NIPA1: variants seen among roughly 807,000 people sequenced by gnomAD.
NIPA1 encodes the protein NIPA magnesium transporter 1.
A neutral mutation model predicts 23.9 loss-of-function variants in NIPA1; 13 were observed. The ratio of observed to expected loss-of-function variants is 0.54; its 90% CI spans 0.35 to 0.87. The LOEUF (loss-of-function observed/expected upper bound fraction) is 0.87, where lower values mean the gene tolerates loss of function less well. Among genes scored for constraint, NIPA1 ranks in the 40% least tolerant of loss-of-function variants. The probability of loss-of-function intolerance (pLI) is 0.01; values close to 1 mark genes in which losing one functional copy is unlikely to be tolerated. For missense variants in NIPA1, 362 were observed against 429.7 expected (o/e 0.84, Z 1.39); for synonymous variants, 234 against 202.9 (o/e 1.15, Z -1.30).
chr15:22,823,559 C>G (rs985571550), intron 4 of NIPA1, among the ~76,000 whole-genome samples, 169 bp from the exon 5 acceptor site: 1 of 152,208 alleles, frequency 6.6e-6, no homozygotes, highest in Admixed American at 6.5e-5. Flanking sequence ...GGAATGAAAT[C>G]AGTGGGTCTG....
At chr15:22,787,514 C>T (rs1294653229) in intron 1 of NIPA1, among the ~76,000 whole-genome samples, 1 of 152,166 alleles carries the variant, frequency 6.6e-6, no homozygotes, top group East Asian at 1.9e-4. Context: ...AAGCCCTGGA[C>T]GGGCCAAGGC....
chr15:22,786,682 C>T lies in NIPA1; in HGVS notation c.26C>T (p.Ala9Val), dbSNP rs1472602255. 3.9e-6 allele frequency: 4 copies of T among 1,032,646 alleles called. No individual in the cohort carries two copies. Among genetic ancestry groups the T allele is most frequent in the South Asian group, 7.8e-5 (2 of 25,754 alleles). 64.0% of individuals were successfully genotyped at this position (1,032,646 alleles called of 1,614,324 possible). A position where few individuals can be genotyped will look rare whatever the true frequency, so the allele number is the denominator to read the frequency against. MGTAAAAA[A>V]AAAAAAAGEG... ...ATGGGGACTGCAGCTGCGGCAGCGG[C>T]GGCGGCGGCGGCGGCGGCGGCCGGG... is the stretch of plus-strand genomic sequence containing the variant. The change falls in exon 1 of 5, where the codon GCG becomes GTG. Residue 9 changes from alanine (A) to valine (V), a missense_variant. Around this residue, in one of 2 missense-constraint regions of NIPA1, gnomAD observed 85 missense variants for 57.7 expected, o/e 1.47. Coordinates refer to ENST00000337435, the MANE Select transcript of NIPA1 (RefSeq NM_144599.5).
chr15:22,820,338 A>C lies in NIPA1; in HGVS notation c.343A>C (p.Lys115Gln), dbSNP rs1440359599. ...GTCCATTTTAGCTTCCTATCTCCTG[A>C]AGGAAAAGCTCAACATCTTGGGCAA... ...FGSILASYLL[K>Q]EKLNILGKLG... Residue 115 changes from lysine to glutamine, a missense_variant, in exon 4 of 5, where the codon AAG (lysine) becomes CAG (glutamine). By Grantham distance (53) the Lys-to-Gln change is moderately conservative (BLOSUM62 1). This residue lies in a region of NIPA1 where 277 missense variants were observed against 372.0 expected (regional missense o/e 0.74). Transcript: ENST00000337435. 1.9e-6 allele frequency: 3 copies of C among 1,612,890 alleles called. No homozygotes were observed. Among genetic ancestry groups the C allele is most frequent in the Non-Finnish European group, 2.5e-6 (3 of 1,178,844 alleles).
Position 22,827,647 on chromosome 15 carries a change from T to G in NIPA1, c.*3408T>G, listed in dbSNP as rs377487896. ...CCAGAAGTTCATCCCAGCGGTAATATGTTGGTGTTTGTTCTTCTTTGGATT... is the reference window on the plus strand; with the variant it reads ...CCAGAAGTTCATCCCAGCGGTAATAGGTTGGTGTTTGTTCTTCTTTGGATT... On this transcript the variant is annotated 3_prime_UTR_variant, in exon 5 of 5. Coordinates refer to ENST00000337435, the MANE Select transcript of NIPA1 (RefSeq NM_144599.5). The G allele has an allele frequency of 4.6e-5, 7 of 152,284 alleles. No homozygotes were observed. Among genetic ancestry groups the G allele is most frequent in the African/African-American group, 1.7e-4 (7 of 41,556 alleles). The allele number at this position is 152,284 out of a possible 1,614,324, so 9.4% of individuals were successfully genotyped here. A position where few individuals can be genotyped will look rare whatever the true frequency, so the allele number is the denominator to read the frequency against.
rs531137434 is a variant in NIPA1 at position 22,809,925 on chromosome 15, C to A, written c.179-824C>A. ...GGGCATGGTGGCACATGCCTGTAATCCCAGCTACTAGGGAGGGTGAGGCAG... is the reference window on the plus strand; with the variant it reads ...GGGCATGGTGGCACATGCCTGTAATACCAGCTACTAGGGAGGGTGAGGCAG... On this transcript the variant is annotated intron_variant, in intron 1 of 4. Transcript: ENST00000337435. Among the ~76,000 whole-genome samples the A allele has an allele frequency of 7.1e-4, 108 of 152,226 alleles. 1 individual carries two copies. The highest frequency in any genetic ancestry group is 2.5e-3 in the African/African-American group (104 of 41,532).
chr15:22,821,458 G>A (rs528249632), intron 4 of NIPA1, among the ~76,000 whole-genome samples: 9 of 148,998 alleles, frequency 6.0e-5, no homozygotes, highest in African/African-American at 1.5e-4. Context: ...GTCCATACTC[G>A]CTGGTTTGCA....
chr15:22,813,999 T>A, intron 3 of NIPA1: 1 of 617,168 alleles, frequency 1.6e-6, no homozygotes, highest in Non-Finnish European at 2.7e-6. Context: ...AATGTTTTGC[T>A]CAGTTAATTT....
At chr15:22,794,071 ATT>A (rs138087983) in intron 1 of NIPA1, among the ~76,000 whole-genome samples, 2 of 144,048 alleles carry the variant, frequency 1.4e-5, no homozygotes, top group African/African-American at 5.1e-5. Context: ...CTTCATATGA[ATT>A]TTTTTTTTCT....
At chr15:22,790,059 G>A (rs924924097) in intron 1 of NIPA1, among the ~76,000 whole-genome samples, 22 of 152,080 alleles carry the variant, frequency 1.4e-4, no homozygotes, top group Admixed American at 1.2e-3. Context: ...CTCCCAAAGT[G>A]GTGGGATTAC....
chr15:22,824,337 T>C lies in NIPA1; in HGVS notation c.*98T>C, dbSNP rs1006051803. ...TAGAAGAGGTCCTCGATCATGGTGT[T>C]AGAATTGACTGGATAGTAACAGGTG... On this transcript the variant is annotated 3_prime_UTR_variant, in exon 5 of 5. Transcript: ENST00000337435. The surrounding 1 kb of genome is among the most constrained non-coding windows in gnomAD (Gnocchi z 4.1). 39 of 1,060,920 alleles carry C rather than the reference T, an allele frequency of 3.7e-5. No individual in the cohort carries two copies. Among genetic ancestry groups the C allele is most frequent in the Non-Finnish European group, 5.3e-5 (36 of 683,534 alleles). The allele number at this position is 1,060,920 out of a possible 1,614,324, so 65.7% of individuals were successfully genotyped here.
chr15:22,817,585 G>A (rs1486191590), intron 3 of NIPA1, among the ~76,000 whole-genome samples: 3 of 151,436 alleles, frequency 2.0e-5, no homozygotes, highest in Non-Finnish European at 4.4e-5. Context: ...GGTGGATCAC[G>A]AGGTCAGGAG....
rs985942122 is a variant in NIPA1, at chr15:22,827,183, T to G, written c.*2944T>G. ...AAAGGTTTTGATCACAATATGCAGA[T>G]TTCTCTTGATAGATACTTAAATAGG... On this transcript the variant is annotated 3_prime_UTR_variant, in exon 5 of 5. Coordinates refer to ENST00000337435, the MANE Select transcript of NIPA1 (RefSeq NM_144599.5). The G allele has an allele frequency of 1.3e-5, 2 of 152,198 alleles. No homozygotes were observed. The highest frequency in any genetic ancestry group is 4.8e-5 in the African/African-American group (2 of 41,448). 9.4% of individuals were successfully genotyped at this position (152,198 alleles called of 1,614,324 possible). A position where few individuals can be genotyped will look rare whatever the true frequency, so the allele number is the denominator to read the frequency against.
rs750928789 is a variant in NIPA1, at chr15:22,786,736, CCGTGTCGCTCGGCCTGGGCGTGGCCGT to C, written c.88_114del (p.Leu30_Ser38del). 6.3e-6 allele frequency: 8 copies of C among 1,267,138 alleles called. No individual in the cohort carries two copies. The highest frequency in any genetic ancestry group is 3.1e-5 in the African/African-American group (2 of 64,120). The allele number at this position is 1,267,138 out of a possible 1,614,324, so 78.5% of individuals were successfully genotyped here. A position where few individuals can be genotyped will look rare whatever the true frequency, so the allele number is the denominator to read the frequency against. On this transcript the variant is annotated inframe_deletion, in exon 1 of 5. Transcript: ENST00000337435. Reference sequence around the variant, plus strand: ...GGGGCGCGTAGCCCGAGCCCCGCCGCCGTGTCGCTCGGCCTGGGCGTGGCCGTCGTGTCGAGCCTGGTGAACGGGTCC... The same window carrying C: ...GGGGCGCGTAGCCCGAGCCCCGCCGCCGTGTCGAGCCTGGTGAACGGGTCC...
intron 3 of NIPA1, chr15:22,814,240 T>C (rs767226234): frequency 1.9e-4 from 80 of 428,780 alleles, no homozygotes; most frequent in Non-Finnish European, 2.8e-4. Context: ...TGCATATATG[T>C]ATGTATATAT....
At chr15:22,789,373 T>C (rs558533026) in intron 1 of NIPA1, among the ~76,000 whole-genome samples, 74 of 152,274 alleles carry the variant, frequency 4.9e-4, no homozygotes, top group African/African-American at 1.8e-3. Flanking sequence ...GGTGTTAGGC[T>C]TTAGCTCTAT....
chr15:22,813,985 C>T, intron 3 of NIPA1: 1 of 539,410 alleles, frequency 1.9e-6, no homozygotes, highest in Non-Finnish European at 3.3e-6. Flanking sequence ...TGCACATATA[C>T]TAAAATGTTT....
chr15:22,792,521 G>A (rs1010636380), intron 1 of NIPA1, among the ~76,000 whole-genome samples: 1 of 151,978 alleles, frequency 6.6e-6, no homozygotes, highest in Non-Finnish European at 1.5e-5. Flanking sequence ...ACCACACCCG[G>A]CTAATTTTTT....
Position 22,827,005 on chromosome 15 carries a change from A to G in NIPA1, c.*2766A>G, listed in dbSNP as rs973210096. The stretch of plus-strand genomic sequence containing the variant: ...ATTCATTTGAAAATGAAAAAGCCCC[A>G]AAGTGAGAACTTTGGGGGAGGGCCT... On this transcript the variant is annotated 3_prime_UTR_variant, in exon 5 of 5. Coordinates refer to ENST00000337435, the MANE Select transcript of NIPA1 (RefSeq NM_144599.5). 6.6e-6 allele frequency: 1 copy of G among 152,142 alleles called. No homozygotes were observed. The highest frequency in any genetic ancestry group is 2.1e-4 in the South Asian group (1 of 4,822). 9.4% of individuals were successfully genotyped at this position (152,142 alleles called of 1,614,324 possible).
rs781089023 is a variant in NIPA1 at position 22,820,496 on chromosome 15, G to A, written c.478+23G>A. 1.9e-6 allele frequency: 3 copies of A among 1,606,518 alleles called. No individual in the cohort carries two copies. In the African/African-American group the frequency reaches 4.0e-5, roughly 21 times the overall value. On this transcript the variant is annotated intron_variant, in intron 4 of 4. Transcript: ENST00000337435. ...CAGGTAATTCCTTTCTAGCAGCACT[G>A]CCAAGAAAGTTTGCAGTAGGAGTGC...
Sources: gnomAD v4.1 joint callset for allele counts (sites outside exome capture counted in the v4.1 genomes callset) on GRCh38, gnomAD v4.1.1 for gene constraint, gnomAD v4.1.1 regional missense constraint, Gnocchi (gnomAD v3.1) non-coding constraint, MANE v1.5 for transcripts, NCBI Gene and HGNC (gene_info 2026-07-23, HGNC 2026-07-21) for gene names.